The following TULP4 variants were observed in gnomAD, a reference collection of about 807,000 sequenced individuals.
TULP4 encodes the protein TUB like protein 4.
TULP4 carries 16 observed loss-of-function variants against 129.0 expected under a neutral mutation model. The observed-to-expected ratio is 0.12, with a 90% confidence interval of 0.08 to 0.19. The LOEUF (loss-of-function observed/expected upper bound fraction) is 0.19, where lower values mean the gene tolerates loss of function less well. Among genes scored for constraint, TULP4 ranks in the 10% least tolerant of loss-of-function variants. The probability of loss-of-function intolerance (pLI) is 1.00; values close to 1 mark genes in which losing one functional copy is unlikely to be tolerated. For missense variants in TULP4, 1,842 were observed against 2,059.1 expected, an observed-to-expected ratio of 0.89 and a Z score of 2.04; for synonymous variants, 998 against 854.0, an observed-to-expected ratio of 1.17 and a Z score of -2.94.
intron 3 of TULP4, among the ~76,000 whole-genome samples, chr6:158,443,910 C>G (rs757912955): frequency 4.6e-5 from 7 of 152,056 alleles, no homozygotes; most frequent in African/African-American, 7.2e-5. Context: ...ATTCTGAAAC[C>G]CAACAGGGAG....
intron 1 of TULP4, among the ~76,000 whole-genome samples, chr6:158,263,480 T>C (rs952842833): frequency 6.6e-6 from 1 of 152,222 alleles, no homozygotes; most frequent in Non-Finnish European, 1.5e-5. Flanking sequence ...ATTAGTGCTA[T>C]TGATGGAGGT....
At chr6:158,334,120 C>T (rs889072796) in intron 1 of TULP4, among the ~76,000 whole-genome samples, 1 of 152,198 alleles carries the variant, frequency 6.6e-6, no homozygotes, top group African/African-American at 2.4e-5. Context: ...TCACTGTTCT[C>T]ATGTATTTTT....
intron 2 of TULP4, among the ~76,000 whole-genome samples, chr6:158,426,321 T>G (rs879648296): frequency 1.3e-5 from 2 of 152,234 alleles, no homozygotes; most frequent in Non-Finnish European, 2.9e-5. Context: ...AGAATGGTAT[T>G]GCCTAGATTG....
intron 1 of TULP4, among the ~76,000 whole-genome samples, chr6:158,351,129 T>A (rs938696411): frequency 5.9e-5 from 9 of 152,216 alleles, no homozygotes; most frequent in African/African-American, 1.9e-4. Context: ...CTGGATACTT[T>A]GCATTGCATT....
At chr6:158,309,920 G>T (rs1779311273), upstream of TULP4, among the ~76,000 whole-genome samples, 2 of 131,544 alleles carry the variant, frequency 1.5e-5, no homozygotes, top group Admixed American at 7.6e-5. Flanking sequence ...GGGAGAGGGG[G>T]AGGGGGAGGG....
chr6:158,373,278 G>A (rs1002488645), intron 1 of TULP4, among the ~76,000 whole-genome samples: 1 of 152,206 alleles, frequency 6.6e-6, no homozygotes, highest in African/African-American at 2.4e-5. Context: ...CTCCAAGGCA[G>A]GGACTTCATC....
At chr6:158,487,912 A>G (rs1161820643) in intron 8 of TULP4, among the ~76,000 whole-genome samples, 1 of 152,254 alleles carries the variant, frequency 6.6e-6, no homozygotes, top group Non-Finnish European at 1.5e-5. Flanking sequence ...AGCAGGAGGC[A>G]GGACAGATTA....
intron 6 of TULP4, among the ~76,000 whole-genome samples, chr6:158,473,124 G>A (rs1039112956): frequency 2.6e-5 from 4 of 152,172 alleles, no homozygotes; most frequent in African/African-American, 9.7e-5. Context: ...AGAAGAGAAG[G>A]TGGAAAAAGA....
In TULP4 at chr6:158,494,738, T is replaced by G; in HGVS notation, c.1777-15T>G. Reference sequence around the variant, plus strand: ...TAGATTGTGATTCTTCTTTTTTCTTTTCTTCCTACCGCAGCACAACTATCT... The same window carrying G: ...TAGATTGTGATTCTTCTTTTTTCTTGTCTTCCTACCGCAGCACAACTATCT... On this transcript the variant is annotated splice_polypyrimidine_tract_variant and intron_variant, in intron 10 of 13. Transcript: ENST00000367097. 1.2e-6 allele frequency: 2 copies of G among 1,603,204 alleles called. No individual in the cohort carries two copies. The highest frequency in any genetic ancestry group is 8.5e-7 in the Non-Finnish European group (1 of 1,173,584).
chr6:158,333,385 G>A (rs2114723872), intron 1 of TULP4, among the ~76,000 whole-genome samples: 1 of 152,344 alleles, frequency 6.6e-6, no homozygotes, highest in South Asian at 2.1e-4. Context: ...CTATAAATGA[G>A]AAGAGCTCTC....
rs142268683 is a variant in TULP4 at position 158,446,692 on chromosome 6, A to T, written c.544-2304A>T. Among the ~76,000 whole-genome samples the T allele has an allele frequency of 2.8e-3, 432 of 152,302 alleles. 1 individual carries two copies. Among genetic ancestry groups the T allele is most frequent in the Non-Finnish European group, 4.5e-3 (304 of 68,036 alleles). On this transcript the variant is annotated intron_variant, in intron 3 of 13. Coordinates refer to ENST00000367097, the MANE Select transcript of TULP4 (RefSeq NM_020245.5). Reference sequence around the variant, plus strand: ...AGACCAAGGGGCTTAAACAACAGACATTGAGTTCTCACAATTCTGGAGGCT... The same window carrying T: ...AGACCAAGGGGCTTAAACAACAGACTTTGAGTTCTCACAATTCTGGAGGCT...
intron 12 of TULP4, among the ~76,000 whole-genome samples, chr6:158,500,338 C>T (rs1780416163): frequency 6.6e-6 from 1 of 152,210 alleles, no homozygotes; most frequent in Non-Finnish European, 1.5e-5. Flanking sequence ...AAACCTGAGA[C>T]AGACCCAAAT....
intron 1 of TULP4, among the ~76,000 whole-genome samples, chr6:158,265,437 G>A (rs1409654427): frequency 6.6e-6 from 1 of 152,114 alleles, no homozygotes; most frequent in East Asian, 1.9e-4. Flanking sequence ...ATCCCAGCAC[G>A]TTGGGAGGCC....
chr6:158,284,450 C>T (rs1183895904), intron 1 of TULP4, among the ~76,000 whole-genome samples: 1 of 152,226 alleles, frequency 6.6e-6, no homozygotes, highest in Non-Finnish European at 1.5e-5. Flanking sequence ...CTACCCGCTG[C>T]TGAAGAGCTG....
intron 1 of TULP4, among the ~76,000 whole-genome samples, chr6:158,324,280 T>C (rs1315210723): frequency 1.3e-5 from 2 of 152,212 alleles, no homozygotes; most frequent in African/African-American, 4.8e-5. Context: ...TCCCTGACTA[T>C]AGCCATAATT....
intron 1 of TULP4, among the ~76,000 whole-genome samples, chr6:158,259,926 CA>C (rs78059512): frequency 0.33 from 49,960 of 152,050 alleles, 9,193 homozygotes; most frequent in Admixed American, 0.45. Flanking sequence ...GCCATGGAGT[CA>C]GGGGCATCAC....
rs1335456575 is a variant in TULP4, at chr6:158,506,730, C to T, written c.*36C>T. On this transcript the variant is annotated 3_prime_UTR_variant, in exon 14 of 14. Transcript: ENST00000367097. ...GTGGGGAGGAGAGAGATGCAGAGAGCCTTTGGAAGAGGTCTTCGGAGATGC... is the reference window on the plus strand; with the variant it reads ...GTGGGGAGGAGAGAGATGCAGAGAGTCTTTGGAAGAGGTCTTCGGAGATGC... 2 of 1,440,490 alleles carry T rather than the reference C, an allele frequency of 1.4e-6. No homozygotes were observed. 89.2% of individuals were successfully genotyped at this position (1,440,490 alleles called of 1,614,324 possible).
chr6:158,488,077 G>A (rs1780113027), intron 8 of TULP4, among the ~76,000 whole-genome samples: 1 of 152,140 alleles, frequency 6.6e-6, no homozygotes, highest in African/African-American at 2.4e-5. Context: ...ACAAGCCTGG[G>A]CAACATAGTG....
intron 1 of TULP4, among the ~76,000 whole-genome samples, chr6:158,289,337 A>G (rs903267088): frequency 5.3e-5 from 8 of 151,936 alleles, no homozygotes; most frequent in African/African-American, 1.7e-4. Flanking sequence ...CTTTGATTAC[A>G]TTTTGCAAAG....
Sources: gnomAD v4.1 joint callset for allele counts (sites outside exome capture counted in the v4.1 genomes callset) on GRCh38, gnomAD v4.1.1 for gene constraint, MANE v1.5 for transcripts, NCBI Gene and HGNC (gene_info 2026-07-23, HGNC 2026-07-21) for gene names.